The following TOR1AIP1 variants were observed in gnomAD, a reference collection of about 807,000 sequenced individuals.
TOR1AIP1 encodes torsin 1A interacting protein 1, also known as torsin-1A-interacting protein 1.
TOR1AIP1 carries 54 observed loss-of-function variants against 63.3 expected under a neutral mutation model. The ratio of observed to expected loss-of-function variants is 0.85; its 90% CI spans 0.69 to 1.07. The LOEUF is 1.07. Among genes scored for constraint, TOR1AIP1 ranks in the 50% least tolerant of loss-of-function variants. The pLI, the probability that TOR1AIP1 is intolerant of heterozygous loss-of-function variation, is 0.00. For synonymous variants in TOR1AIP1, 294 were observed against 273.5 expected (o/e 1.07, Z -0.74); for missense variants, 736 against 715.0 (o/e 1.03, Z -0.33).
chr1:179,897,896 G>A (rs1037335155), intron 3 of TOR1AIP1, among the ~76,000 whole-genome samples: 10 of 152,114 alleles, frequency 6.6e-5, no homozygotes, highest in East Asian at 1.9e-4. Context: ...TCAAGAGTTC[G>A]AGACCAGCCT....
chr1:179,894,548 T>G (rs1648206240), intron 3 of TOR1AIP1, among the ~76,000 whole-genome samples: 1 of 151,448 alleles, frequency 6.6e-6, no homozygotes, highest in African/African-American at 2.4e-5. Flanking sequence ...ATTAGCCAAT[T>G]GTGGTGGCAG....
At chr1:179,884,659 T>C (rs544287303) in intron 1 of TOR1AIP1, 33 bp from the exon 2 acceptor site, 4 of 1,564,676 alleles carry the variant, frequency 2.6e-6, no homozygotes, top group Non-Finnish European at 3.5e-6. Context: ...TCATATATTC[T>C]GAATTTTAAC....
intron 2 of TOR1AIP1, among the ~76,000 whole-genome samples, chr1:179,887,095 A>T (rs1647929173): frequency 1.3e-5 from 2 of 152,206 alleles, no homozygotes; most frequent in South Asian, 4.1e-4. Flanking sequence ...TTATGCAAAG[A>T]TGCCCTTACG....
Position 179,882,820 on chromosome 1 carries a change from T to G in TOR1AIP1, c.318T>G (p.Leu106=), listed in dbSNP as rs746703533. The G allele has an allele frequency of 1.9e-6, 3 of 1,614,112 alleles. No individual in the cohort carries two copies. The highest frequency in any genetic ancestry group is 2.5e-6 in the Non-Finnish European group (3 of 1,180,018). The change falls in exon 1 of 10, where the codon CTT becomes CTG. Residue 106 remains leucine (L), a synonymous_variant. Transcript: ENST00000606911. ...AAGTGAGAGAAAGCGCGTACTACCTTCGGTCTAGGCAGCGGAGGCAGCCGC... is the reference window on the plus strand; with the variant it reads ...AAGTGAGAGAAAGCGCGTACTACCTGCGGTCTAGGCAGCGGAGGCAGCCGC... ...KEEVRESAYY[L]RSRQRRQPRP... is the part of the protein sequence containing the mutation.
intron 2 of TOR1AIP1, among the ~76,000 whole-genome samples, chr1:179,888,834 A>T (rs1647980795): frequency 6.6e-6 from 1 of 152,326 alleles, no homozygotes; most frequent in East Asian, 1.9e-4. Flanking sequence ...GCCCACATTA[A>T]TGTTTTTATT....
chr1:179,915,283 A>G lies in TOR1AIP1; in HGVS notation c.964+1229A>G, dbSNP rs1053906963. Among the ~76,000 whole-genome samples the G allele has an allele frequency of 3.3e-5, 5 of 152,258 alleles. 1 individual carries two copies. Among genetic ancestry groups the G allele is most frequent in the Non-Finnish European group, 7.3e-5 (5 of 68,040 alleles). ...TCTAAAACCATCTTACTGAGCTTTT[A>G]GTACTCTATTACATTAAAAGTCATT... On this transcript the variant is annotated intron_variant, in intron 9 of 9. Transcript: ENST00000606911.
intron 1 of TOR1AIP1, chr1:179,883,658 T>TGTAA (rs1464102602): frequency 2.2e-6 from 1 of 456,206 alleles, no homozygotes; most frequent in African/African-American, 2.0e-5. Context: ...TGGCCGTCAC[T>TGTAA]GTAACCTCAA....
At chr1:179,895,314 A>T (rs891621817) in intron 3 of TOR1AIP1, among the ~76,000 whole-genome samples, 1 of 152,136 alleles carries the variant, frequency 6.6e-6, no homozygotes, top group Non-Finnish European at 1.5e-5. Context: ...ACCTTTTTTA[A>T]AAAAGTATTT....
At chr1:179,914,147 A>T in intron 9 of TOR1AIP1, 93 bp downstream of exon 9, 1 of 1,072,700 alleles carries the variant, frequency 9.3e-7, no homozygotes, top group Non-Finnish European at 1.4e-6. Context: ...GTATGACTCG[A>T]TGCTATTTGA....
At chr1:179,883,986 G>A in intron 1 of TOR1AIP1, 1 of 216,706 alleles carries the variant, frequency 4.6e-6, no homozygotes, top group South Asian at 6.0e-5. Flanking sequence ...TTTCAGCTTA[G>A]AGCACGGTGA....
intron 5 of TOR1AIP1, among the ~76,000 whole-genome samples, chr1:179,902,019 C>CTTTTTT (rs767712125): frequency 6.1e-5 from 6 of 98,786 alleles, no homozygotes; most frequent in South Asian, 3.5e-4. Context: ...AATTCCAATT[C>CTTTTTT]TTTTTTTTTT....
At chr1:179,884,502 A>T (rs1382694630) in intron 1 of TOR1AIP1, among the ~76,000 whole-genome samples, 190 bp from the exon 2 acceptor site, 1 of 137,708 alleles carries the variant, frequency 7.3e-6, no homozygotes, top group East Asian at 2.0e-4. Context: ...TGTTGAATTC[A>T]TTGTATTCTG....
rs1300440628 is a variant in TOR1AIP1, at chr1:179,919,232, T to C, written c.*993T>C. On this transcript the variant is annotated 3_prime_UTR_variant, in exon 10 of 10. Coordinates refer to ENST00000606911, the MANE Select transcript of TOR1AIP1 (RefSeq NM_015602.4). ...TAAGCCGAGACCATGCTTATTGCCC[T>C]CCAGTCTGGGCAACAAAAATGAAAC... 6.6e-6 allele frequency: 1 copy of C among 151,320 alleles called. No individual in the cohort carries two copies. The highest frequency in any genetic ancestry group is 6.6e-5 in the Admixed American group (1 of 15,146). The allele number at this position is 151,320 out of a possible 1,614,324, so 9.4% of individuals were successfully genotyped here.
chr1:179,893,401 C>T (rs1365551862), intron 3 of TOR1AIP1, among the ~76,000 whole-genome samples: 1 of 152,128 alleles, frequency 6.6e-6, no homozygotes, highest in African/African-American at 2.4e-5. Context: ...TGCTGCCCCA[C>T]TCTTGACTCT....
chr1:179,887,138 G>A (rs1210358497), intron 2 of TOR1AIP1, among the ~76,000 whole-genome samples: 3 of 152,190 alleles, frequency 2.0e-5, no homozygotes, highest in East Asian at 1.9e-4. Flanking sequence ...GGTGGCTCAC[G>A]CCTGTAATCC....
chr1:179,894,111 C>T (rs370484961), intron 3 of TOR1AIP1, among the ~76,000 whole-genome samples: 10 of 151,676 alleles, frequency 6.6e-5, no homozygotes, highest in East Asian at 2.0e-4. Context: ...AGTAGCTGGG[C>T]GCAGTGGCGG....
intron 3 of TOR1AIP1, among the ~76,000 whole-genome samples, chr1:179,892,750 A>C (rs1425967537): frequency 6.6e-6 from 1 of 152,016 alleles, no homozygotes; most frequent in Non-Finnish European, 1.5e-5. Context: ...AAAAAAAAAA[A>C]AAAACTTTTT....
rs778625047 is a variant in TOR1AIP1, at chr1:179,901,317, A to C, written c.668A>C (p.Asp223Ala). ...TTCTCTTTAGGAGAAACTGAAGAAG[A>C]TGATCAAGACAGCTCTCACAGCAGT... ...NFSEEGETEE[D>A]DQDSSHSSVT... Residue 223 changes from aspartate to alanine, a missense_variant, in exon 5 of 10, where the codon GAT (aspartate) becomes GCT (alanine). Physicochemically the swap from Asp to Ala is moderately radical, Grantham distance 126. Around this residue, in one of 2 missense-constraint regions of TOR1AIP1, gnomAD observed 464 missense variants for 371.0 expected, o/e 1.25. Coordinates refer to ENST00000606911, the MANE Select transcript of TOR1AIP1 (RefSeq NM_015602.4). 1.2e-6 allele frequency: 2 copies of C among 1,610,706 alleles called. No homozygotes were observed. Among genetic ancestry groups the C allele is most frequent in the African/African-American group, 2.7e-5 (2 of 74,848 alleles).
At position 179,919,391 on chromosome 1, in the gene TOR1AIP1, TGAA is replaced by T. The variant is rs1022968949; in HGVS notation, c.*1158_*1160del. On this transcript the variant is annotated 3_prime_UTR_variant, in exon 10 of 10. Transcript: ENST00000606911. ...TTGTTAACCAGCTGTCCTGGGCTAT[TGAA>T]GAAGATTTCATTTTCCGCGCATCCA... 5 of 152,216 alleles carry T rather than the reference TGAA, an allele frequency of 3.3e-5. No homozygotes were observed. Among genetic ancestry groups the T allele is most frequent in the African/African-American group, 1.2e-4 (5 of 41,454 alleles). 9.4% of individuals were successfully genotyped at this position (152,216 alleles called of 1,614,324 possible).
Sources: allele counts gnomAD v4.1 joint callset (sites outside exome capture counted in the v4.1 genomes callset), GRCh38; gene constraint gnomAD v4.1.1; regional missense constraint gnomAD v4.1.1; transcripts MANE v1.5; gene names NCBI Gene and HGNC (gene_info 2026-07-23, HGNC 2026-07-21).